The following RANBP2 variants were observed in gnomAD, a reference collection of about 807,000 sequenced individuals.
RANBP2 encodes E3 SUMO-protein ligase RanBP2.
Under a neutral mutation model 303.6 loss-of-function variants are expected in RANBP2, and 57 were observed. The observed-to-expected ratio is 0.19, with a 90% CI of 0.15 to 0.23. The LOEUF is 0.23. Among genes scored for constraint, RANBP2 ranks in the 10% least tolerant of loss-of-function variants. The pLI, the probability that RANBP2 is intolerant of heterozygous loss-of-function variation, is 1.00. For synonymous variants in RANBP2, 1,167 were observed against 1,301.5 expected (o/e 0.90, Z 2.23); for missense variants, 3,138 against 3,780.8 (o/e 0.83, Z 4.46).
chr2:109,309,760 G>A, the RANBP2 span, among the ~76,000 whole-genome samples: 2 of 125,600 alleles, frequency 1.6e-5, no homozygotes, highest in East Asian at 2.2e-4. Context: ...TTATATAATG[G>A]TAAAGGGATC....
chr2:109,003,011 T>A, the RANBP2 span, among the ~76,000 whole-genome samples: 1 of 151,798 alleles, frequency 6.6e-6, no homozygotes, highest in Non-Finnish European at 1.5e-5. Flanking sequence ...TTCGAGACCA[T>A]CCTGGCCAAT....
At chr2:109,466,913 CTA>C in the RANBP2 span, among the ~76,000 whole-genome samples, 32 of 151,902 alleles carry the variant, frequency 2.1e-4, no homozygotes, top group African/African-American at 6.0e-4. Context: ...GTATGTGTGT[CTA>C]TATGTGTATG....
At chr2:109,400,023 C>T in the RANBP2 span, among the ~76,000 whole-genome samples, 6 of 152,328 alleles carry the variant, frequency 3.9e-5, no homozygotes, top group East Asian at 1.9e-4. Flanking sequence ...AGAGCAAGGG[C>T]GCTGATCTGC....
chr2:108,809,667 G>A, the RANBP2 span, among the ~76,000 whole-genome samples: 2 of 151,992 alleles, frequency 1.3e-5, no homozygotes, highest in African/African-American at 4.8e-5. Flanking sequence ...ACTGATTTTT[G>A]TATGTTGATT....
At chr2:108,930,991 C>A in the RANBP2 span, 2 of 1,613,988 alleles carry the variant, frequency 1.2e-6, no homozygotes, top group Admixed American at 3.3e-5. Context: ...AGGGCGTCTG[C>A]GTGCAGTCCC....
the RANBP2 span, among the ~76,000 whole-genome samples, chr2:109,418,353 A>G: frequency 6.6e-6 from 1 of 152,158 alleles, no homozygotes; most frequent in Non-Finnish European, 1.5e-5. Context: ...GGCTAAAAGC[A>G]ACAGAAAGCT....
chr2:109,003,043 G>A, the RANBP2 span, among the ~76,000 whole-genome samples: 2 of 151,352 alleles, frequency 1.3e-5, no homozygotes, highest in Non-Finnish European at 1.5e-5. Flanking sequence ...CCGTCTCTAC[G>A]AAAAATACAA....
chr2:109,034,783 C>T, the RANBP2 span, among the ~76,000 whole-genome samples: 1 of 152,154 alleles, frequency 6.6e-6, no homozygotes, highest in African/African-American at 2.4e-5. Context: ...CTCAAAAACC[C>T]TGGGGGCTTA....
At chr2:109,325,000 G>A in the RANBP2 span, among the ~76,000 whole-genome samples, 1 of 152,140 alleles carries the variant, frequency 6.6e-6, no homozygotes, top group African/African-American at 2.4e-5. Flanking sequence ...TTTGTTCTGG[G>A]AGAGGCCTTT....
chr2:109,452,431 A>C, the RANBP2 span, among the ~76,000 whole-genome samples: 1 of 152,216 alleles, frequency 6.6e-6, no homozygotes, highest in African/African-American at 2.4e-5. Flanking sequence ...TTGGGAAAAG[A>C]CAGTGAGCTC....
At chr2:108,730,186 C>G (rs826529) in intron 2 of RANBP2, among the ~76,000 whole-genome samples, 26,330 of 113,680 alleles carry the variant, frequency 0.23, 4,877 homozygotes, top group African/African-American at 0.56. Flanking sequence ...TTTCTCTGAT[C>G]GTAATACTGT....
the RANBP2 span, among the ~76,000 whole-genome samples, chr2:109,714,036 C>T: frequency 2.6e-5 from 4 of 152,206 alleles, no homozygotes; most frequent in Admixed American, 6.5e-5. Context: ...CCACTTCAGA[C>T]GCCAATCATA....
the RANBP2 span, among the ~76,000 whole-genome samples, chr2:109,264,958 G>A: frequency 6.6e-6 from 1 of 152,162 alleles, no homozygotes; most frequent in South Asian, 2.1e-4. Context: ...TGGGTGGCAG[G>A]GGGACTAGGG....
At chr2:109,164,508 A>C in the RANBP2 span, among the ~76,000 whole-genome samples, 5 of 151,574 alleles carry the variant, frequency 3.3e-5, no homozygotes, top group Non-Finnish European at 7.4e-5. Context: ...TTTTCTGTAG[A>C]CTCTTCGGCC....
At chr2:109,096,630 G>A in the RANBP2 span, among the ~76,000 whole-genome samples, 1 of 152,166 alleles carries the variant, frequency 6.6e-6, no homozygotes, top group Admixed American at 6.5e-5. Flanking sequence ...CTCATGGAGA[G>A]CTGAAATGTT....
the RANBP2 span, among the ~76,000 whole-genome samples, chr2:109,764,417 A>G: frequency 2.0e-5 from 3 of 147,778 alleles, no homozygotes; most frequent in Non-Finnish European, 4.4e-5. Flanking sequence ...ATCCCTTTTA[A>G]CAGGCTAACT....
chr2:109,500,465 A>G, the RANBP2 span, among the ~76,000 whole-genome samples: 2 of 152,128 alleles, frequency 1.3e-5, no homozygotes, highest in African/African-American at 4.8e-5. Flanking sequence ...CCTGTCTCTG[A>G]TTCCACACTA....
chr2:108,803,123 T>A, the RANBP2 span, among the ~76,000 whole-genome samples: 1 of 152,226 alleles, frequency 6.6e-6, no homozygotes, highest in Non-Finnish European at 1.5e-5. Context: ...TGGGTGTTTT[T>A]TGTGCAGGTA....
At chr2:109,608,088 C>T in the RANBP2 span, among the ~76,000 whole-genome samples, 3 of 152,158 alleles carry the variant, frequency 2.0e-5, no homozygotes, top group Admixed American at 6.5e-5. Context: ...ACTTAGTCAA[C>T]TATCCTCTTA....
Sources: gnomAD v4.1 joint callset for allele counts (sites outside exome capture counted in the v4.1 genomes callset) on GRCh38, gnomAD v4.1.1 for gene constraint, MANE v1.5 for transcripts, NCBI Gene and HGNC (gene_info 2026-07-23, HGNC 2026-07-21) for gene names.